The following MERTK variants were observed in gnomAD, a reference collection of about 807,000 sequenced individuals.
MERTK encodes tyrosine-protein kinase Mer.
Under a neutral mutation model 99.3 loss-of-function variants are expected in MERTK, and 69 were observed. That is an observed-to-expected ratio of 0.70 (90% CI 0.57 to 0.85). MERTK has a LOEUF of 0.85. Among genes scored for constraint, MERTK ranks in the 40% least tolerant of loss-of-function variants. The pLI is 0.00. For missense variants in MERTK, 1,125 were observed against 1,249.4 expected (o/e 0.90, Z 1.50); for synonymous variants, 426 against 467.6 (o/e 0.91, Z 1.15).
chr2:111,922,160 C>T (rs1286683855), intron 1 of MERTK, among the ~76,000 whole-genome samples: 1 of 152,186 alleles, frequency 6.6e-6, no homozygotes, highest in Non-Finnish European at 1.5e-5. Flanking sequence ...ACAGGGCTGC[C>T]ACCTGCCCTG....
At chr2:112,009,896 T>C in intron 14 of MERTK, 52 bp from the exon 15 acceptor site, 1 of 1,389,048 alleles carries the variant, frequency 7.2e-7, no homozygotes, top group Non-Finnish European at 1.0e-6. Flanking sequence ...AGGGCTTTTC[T>C]GGTCACAGTA....
At position 111,917,883 on chromosome 2, in the gene MERTK, TA is replaced by T. The variant is rs11443176; in HGVS notation, c.62-11222del. The stretch of plus-strand genomic sequence containing the variant: ...CTGGTGACAGAGTGAGACTCTGTCT[TA>T]AAAAAAAAAAAAAATGCCAAAAGAC... On this transcript the variant is annotated intron_variant, in intron 1 of 18. Transcript: ENST00000295408. Among the ~76,000 whole-genome samples the T allele has an allele frequency of 4.5e-3, 641 of 141,606 alleles. 2 individuals are homozygous for T. Among genetic ancestry groups the T allele is most frequent in the African/African-American group, 0.014 (517 of 38,148 alleles). 92.9% of individuals were successfully genotyped at this position (141,606 alleles called of 152,430 possible). A position where few individuals can be genotyped will look rare whatever the true frequency, so the allele number is the denominator to read the frequency against.
intron 18 of MERTK, among the ~76,000 whole-genome samples, chr2:112,027,919 C>A (rs1249185857): frequency 2.0e-5 from 3 of 152,160 alleles, no homozygotes; most frequent in Non-Finnish European, 4.4e-5. Flanking sequence ...GCTTTGCAGG[C>A]CTTTTAGCAC....
intron 4 of MERTK, among the ~76,000 whole-genome samples, chr2:111,964,511 A>G (rs989839271): frequency 2.0e-5 from 3 of 152,206 alleles, no homozygotes. Flanking sequence ...CATTTCTCCA[A>G]GGAGCCCTGG....
In MERTK at chr2:111,929,374, T is replaced by C. The variant is rs928776839; in HGVS notation, c.316T>C (p.Ser106Pro). The change falls in exon 2 of 19, where the codon TCT (serine) becomes CCT (proline). Residue 106 changes from serine to proline, a missense_variant. By Grantham distance (74) the Ser-to-Pro change is moderately conservative (BLOSUM62 -1). Transcript: ENST00000295408. ...ACACACAGTTGGACACATAATACTT[T>C]CTGAACATAAAGGTGTCAAATTTAA... ...FKHTVGHIIL[S>P]EHKGVKFNCS... is the part of the protein sequence containing the mutation. The C allele has an allele frequency of 6.2e-7, 1 of 1,614,124 alleles. No individual in the cohort carries two copies. The highest frequency in any genetic ancestry group is 8.5e-7 in the Non-Finnish European group (1 of 1,180,028).
intron 7 of MERTK, among the ~76,000 whole-genome samples, chr2:111,978,085 C>G (rs1676289930): frequency 6.6e-6 from 1 of 151,684 alleles, no homozygotes; most frequent in South Asian, 2.1e-4. Context: ...GCTGGTACTA[C>G]AGGTGCATGC....
chr2:111,943,708 T>A (rs1268111336), intron 2 of MERTK, among the ~76,000 whole-genome samples: 1 of 152,146 alleles, frequency 6.6e-6, no homozygotes, highest in Non-Finnish European at 1.5e-5. Context: ...TACAAAATGA[T>A]GGCTAGGGCC....
At chr2:111,990,223 A>G (rs1364369439) in intron 8 of MERTK, among the ~76,000 whole-genome samples, 1 of 152,254 alleles carries the variant, frequency 6.6e-6, no homozygotes, top group East Asian at 1.9e-4. Context: ...CATTTTAAAA[A>G]AACATGAATC....
chr2:111,914,471 G>A (rs1324153433), intron 1 of MERTK, among the ~76,000 whole-genome samples: 1 of 152,100 alleles, frequency 6.6e-6, no homozygotes, highest in East Asian at 1.9e-4. Context: ...TAGAGACAGG[G>A]TTTCACCATG....
At chr2:112,026,346 C>T (rs1414922152) in intron 18 of MERTK, among the ~76,000 whole-genome samples, 1 of 152,082 alleles carries the variant, frequency 6.6e-6, no homozygotes, top group Non-Finnish European at 1.5e-5. Context: ...AATACTTTCT[C>T]CTAAGACATG....
intron 1 of MERTK, among the ~76,000 whole-genome samples, chr2:111,920,299 C>T (rs1573570905): frequency 6.6e-6 from 1 of 152,140 alleles, no homozygotes; most frequent in Admixed American, 6.5e-5. Flanking sequence ...GGGCTGTGAC[C>T]TCTTGGGGCA....
Position 111,905,592 on chromosome 2 carries a change from C to T in MERTK, c.61+6796C>T, listed in dbSNP as rs1388102812. Among the ~76,000 whole-genome samples, 5 of 151,596 alleles carry T rather than the reference C, an allele frequency of 3.3e-5. No homozygotes were observed. The South Asian group carries it at 6.3e-4, about 19-fold the overall frequency. On this transcript the variant is annotated intron_variant, in intron 1 of 18. Transcript: ENST00000295408. ...AAGCGGTTCTCCTGTCTCAGCCTCCCGAGTAGCTGGGATTACAGGCACCCA... is the reference window on the plus strand; with the variant it reads ...AAGCGGTTCTCCTGTCTCAGCCTCCTGAGTAGCTGGGATTACAGGCACCCA...
chr2:111,912,847 G>A (rs929870437), intron 1 of MERTK, among the ~76,000 whole-genome samples: 10 of 152,144 alleles, frequency 6.6e-5, no homozygotes, highest in Admixed American at 2.6e-4. Context: ...GGGCTCAGTA[G>A]CTGGGGCTTG....
At chr2:111,945,225 G>A (rs531684320) in intron 3 of MERTK, among the ~76,000 whole-genome samples, 165 bp downstream of exon 3, 10 of 152,306 alleles carry the variant, frequency 6.6e-5, no homozygotes, top group African/African-American at 2.4e-4. Context: ...ACTCCACTTT[G>A]TAGTCTATAA....
intron 8 of MERTK, among the ~76,000 whole-genome samples, chr2:111,987,681 A>T (rs959819253): frequency 3.9e-5 from 6 of 152,220 alleles, no homozygotes; most frequent in African/African-American, 1.4e-4. Flanking sequence ...CTTCTGTGAA[A>T]AAAGAGTTCA....
chr2:111,936,909 T>G (rs1424901991), intron 2 of MERTK, among the ~76,000 whole-genome samples: 1 of 152,076 alleles, frequency 6.6e-6, no homozygotes, highest in Non-Finnish European at 1.5e-5. Context: ...CCCTCTAGCT[T>G]GGGTGGAAAT....
At chr2:111,913,962 C>T (rs1237152887) in intron 1 of MERTK, among the ~76,000 whole-genome samples, 1 of 151,920 alleles carries the variant, frequency 6.6e-6, no homozygotes, top group African/African-American at 2.4e-5. Flanking sequence ...TGCTTTATTG[C>T]ATTGGTTACA....
At chr2:111,921,297 C>T (rs563134818) in intron 1 of MERTK, among the ~76,000 whole-genome samples, 67 of 152,104 alleles carry the variant, frequency 4.4e-4, no homozygotes, top group African/African-American at 1.5e-3. Context: ...GTTAGGAGTT[C>T]GACACCAGCC....
Position 112,021,517 on chromosome 2 carries a change from T to A in MERTK, c.2285T>A (p.Met762Lys), listed in dbSNP as rs1214641522. 1 of 1,613,974 alleles carries A rather than the reference T, an allele frequency of 6.2e-7. No homozygotes were observed. The highest frequency in any genetic ancestry group is 2.2e-5 in the East Asian group (1 of 44,880). The change falls in exon 17 of 19, where the codon ATG becomes AAG. Residue 762 changes from methionine (M) to lysine (K), a missense_variant. Physicochemically the swap from Met to Lys is moderately conservative, Grantham distance 95 (BLOSUM62 -1). Coordinates refer to ENST00000295408, the MANE Select transcript of MERTK (RefSeq NM_006343.3). ...DYYRQGRIAKMPVKWIAIESL... is the reference protein window; with the variant it reads ...DYYRQGRIAKKPVKWIAIESL... ...TACCGCCAAGGCCGCATTGCTAAGA[T>A]GCCTGTTAAATGGATCGCCATAGAA...
Sources: gnomAD v4.1 joint callset for allele counts (sites outside exome capture counted in the v4.1 genomes callset) on GRCh38, gnomAD v4.1.1 for gene constraint, MANE v1.5 for transcripts, NCBI Gene and HGNC (gene_info 2026-07-23, HGNC 2026-07-21) for gene names.